The following DLC1 variants were observed in gnomAD, a reference collection of about 807,000 sequenced individuals.
The protein encoded by DLC1 is rho GTPase-activating protein 7.
DLC1 carries 54 observed loss-of-function variants against 140.3 expected under a neutral mutation model. The ratio of observed to expected loss-of-function variants is 0.38; its 90% CI spans 0.31 to 0.48. The LOEUF (loss-of-function observed/expected upper bound fraction) is 0.48. Among genes scored for constraint, DLC1 ranks in the 20% least tolerant of loss-of-function variants. The pLI, the probability that DLC1 is intolerant of heterozygous loss-of-function variation, is 0.96. For synonymous variants in DLC1, 986 were observed against 728.1 expected, an observed-to-expected ratio of 1.35 and a Z score of -5.70; for missense variants, 2,536 against 1,907.0, an observed-to-expected ratio of 1.33 and a Z score of -6.14.
intron 5 of DLC1, among the ~76,000 whole-genome samples, chr8:13,155,550 T>C (rs913757942): frequency 2.0e-5 from 3 of 152,152 alleles, no homozygotes; most frequent in Non-Finnish European, 4.4e-5. Flanking sequence ...AATAAAATAT[T>C]GAGATACATG....
chr8:13,383,716 G>C (rs1242525736), intron 4 of DLC1, among the ~76,000 whole-genome samples: 1 of 152,160 alleles, frequency 6.6e-6, no homozygotes, highest in East Asian at 1.9e-4. Flanking sequence ...ACTTGCATCG[G>C]TGGAAGTCAG....
chr8:13,255,369 A>G (rs1316889866), intron 5 of DLC1, among the ~76,000 whole-genome samples: 1 of 152,158 alleles, frequency 6.6e-6, no homozygotes, highest in Non-Finnish European at 1.5e-5. Flanking sequence ...AATGTATAAA[A>G]GCCTATAGCA....
chr8:13,139,152 G>T (rs1158403973), intron 5 of DLC1, among the ~76,000 whole-genome samples: 1 of 151,484 alleles, frequency 6.6e-6, no homozygotes, highest in African/African-American at 2.4e-5. Context: ...AATTAGCTGG[G>T]CATGCTGCTC....
At chr8:13,602,430 T>C (rs1489554364) in intron 1 of DLC1, among the ~76,000 whole-genome samples, 1 of 151,804 alleles carries the variant, frequency 6.6e-6, no homozygotes, top group Non-Finnish European at 1.5e-5. Context: ...ATCATTGCAT[T>C]CCAGTAATTT....
At chr8:13,159,717 C>G (rs1385151138) in intron 5 of DLC1, among the ~76,000 whole-genome samples, 1 of 152,108 alleles carries the variant, frequency 6.6e-6, no homozygotes, top group Admixed American at 6.5e-5. Flanking sequence ...CAAAGTCTGT[C>G]TCCACCCAGT....
intron 5 of DLC1, among the ~76,000 whole-genome samples, chr8:13,189,558 C>A (rs1170390175): frequency 6.6e-6 from 1 of 151,810 alleles, no homozygotes; most frequent in African/African-American, 2.4e-5. Context: ...TATTCAGATC[C>A]AATTAGGCAT....
intron 2 of DLC1, among the ~76,000 whole-genome samples, chr8:13,472,704 A>C (rs906480411): frequency 2.0e-5 from 3 of 152,200 alleles, no homozygotes; most frequent in African/African-American, 7.2e-5. Context: ...AGTGATTCAA[A>C]TGTTCCTCCT....
chr8:13,488,446 T>C lies in DLC1; in HGVS notation c.1023+10603A>G, dbSNP rs140938406. ...TAGTATATTGAAATCTAGATAATTGTTTAAAATATGGTGAGCCCTGAAATT... is the reference window on the plus strand; with the variant it reads ...TAGTATATTGAAATCTAGATAATTGCTTAAAATATGGTGAGCCCTGAAATT... On this transcript the variant is annotated intron_variant, in intron 2 of 17. Transcript: ENST00000276297. 2.1e-3 allele frequency among the ~76,000 whole-genome samples: 313 copies of C among 152,294 alleles called. 1 individual carries two copies. Among genetic ancestry groups the C allele is most frequent in the African/African-American group, 7.1e-3 (297 of 41,560 alleles).
intron 4 of DLC1, among the ~76,000 whole-genome samples, chr8:13,352,740 A>G (rs1014007564): frequency 6.6e-6 from 1 of 152,180 alleles, no homozygotes; most frequent in Admixed American, 6.5e-5. Context: ...TAATATGCAT[A>G]ATACACTGTT....
chr8:13,109,590 CA>C (rs151059996), intron 7 of DLC1, among the ~76,000 whole-genome samples: 6 of 144,980 alleles, frequency 4.1e-5, no homozygotes, highest in East Asian at 4.1e-4. Context: ...AAAAACAGAA[CA>C]AAAAAAAAAC....
At chr8:13,188,799 G>GTGTGTATATATATATATATATATA (rs1554465470) in intron 5 of DLC1, among the ~76,000 whole-genome samples, 4 of 79,552 alleles carry the variant, frequency 5.0e-5, no homozygotes, top group South Asian at 4.7e-4. Flanking sequence ...GTGTGTGTGT[G>GTGTGTATATATATATATATATATA]TGTATATATA....
At chr8:13,443,343 T>TAA (rs58765529) in intron 2 of DLC1, among the ~76,000 whole-genome samples, 20 of 123,222 alleles carry the variant, frequency 1.6e-4, no homozygotes, top group Non-Finnish European at 2.3e-4. Flanking sequence ...CCCTAAAACT[T>TAA]AAAAAAAAAA....
intron 4 of DLC1, chr8:13,353,312 C>T (rs562449389): frequency 6.6e-6 from 1 of 152,074 alleles, no homozygotes; most frequent in Non-Finnish European, 1.5e-5. Context: ...GGCATTTCCT[C>T]TGAGTCAGAA....
chr8:13,562,446 T>A (rs1017612828), intron 1 of DLC1, among the ~76,000 whole-genome samples: 3 of 152,154 alleles, frequency 2.0e-5, no homozygotes, highest in African/African-American at 7.2e-5. Flanking sequence ...GAAATGTAAG[T>A]GGCCTTTATG....
At chr8:13,210,536 G>C (rs1192707317) in intron 5 of DLC1, among the ~76,000 whole-genome samples, 1 of 152,128 alleles carries the variant, frequency 6.6e-6, no homozygotes, top group Non-Finnish European at 1.5e-5. Flanking sequence ...AATAAGATTT[G>C]CTCTTCTATA....
intron 5 of DLC1, among the ~76,000 whole-genome samples, chr8:13,144,249 C>A (rs1823248982): frequency 6.6e-6 from 1 of 152,158 alleles, no homozygotes; most frequent in African/African-American, 2.4e-5. Flanking sequence ...TGTCCTTGGA[C>A]ATCAGAACTC....
intron 1 of DLC1, among the ~76,000 whole-genome samples, chr8:13,535,685 G>A (rs2410080): frequency 0.99 from 137,699 of 138,676 alleles, 68,366 homozygotes; most frequent in Middle Eastern, 1. Context: ...AAAAAAAAAA[G>A]AAAAGAAAAC....
At position 13,084,231 on chromosome 8, in the gene DLC1, G is replaced by T. The variant is rs991107476; in HGVS notation, c.*1580C>A. 6.6e-6 allele frequency: 1 copy of T among 152,530 alleles called. No individual in the cohort carries two copies. Among genetic ancestry groups the T allele is most frequent in the Admixed American group, 6.5e-5 (1 of 15,276 alleles). The allele number at this position is 152,530 out of a possible 1,614,324, so 9.4% of individuals were successfully genotyped here. A position where few individuals can be genotyped will look rare whatever the true frequency, so the allele number is the denominator to read the frequency against. ...TACAAATCTGGAAGCCATCAAAATT[G>T]AATATCCATGTATATCTTCATGAGG... On this transcript the variant is annotated 3_prime_UTR_variant, in exon 18 of 18. Transcript: ENST00000276297.
intron 4 of DLC1, chr8:13,340,779 C>G (rs1440002436): frequency 1.3e-5 from 2 of 152,298 alleles, no homozygotes; most frequent in African/African-American, 4.8e-5. Context: ...CCATAAATTC[C>G]CTAATTCATC....
Sources: gnomAD v4.1 joint callset for allele counts (sites outside exome capture counted in the v4.1 genomes callset) on GRCh38, gnomAD v4.1.1 for gene constraint, MANE v1.5 for transcripts, NCBI Gene and HGNC (gene_info 2026-07-23, HGNC 2026-07-21) for gene names.